Variants in KISS1R observed in about 807,000 individuals in gnomAD.
The protein encoded by KISS1R is KISS1 receptor, also known as kiSS-1 receptor.
In KISS1R, 19 loss-of-function variants were observed where a neutral mutation model predicts 22.0. That is an observed-to-expected ratio of 0.86 (90% confidence interval 0.60 to 1.26). KISS1R has a LOEUF of 1.26. KISS1R is among the 50% of genes most tolerant of loss of function. The probability of loss-of-function intolerance (pLI) is 0.00; values close to 1 mark genes in which losing one functional copy is unlikely to be tolerated. For synonymous variants in KISS1R, 302 were observed against 283.9 expected (o/e 1.06, Z -0.64); for missense variants, 653 against 581.9 (o/e 1.12, Z -1.26).
chr19:919,826 G>A, intron 3 of KISS1R, 48 bp from the exon 4 acceptor site: 1 of 1,522,542 alleles, frequency 6.6e-7, no homozygotes, highest in Middle Eastern at 1.7e-4. Flanking sequence ...GGCACGTGGG[G>A]GACCGCTGGT....
Position 920,288 on chromosome 19 carries a change from A to G in KISS1R, c.739-2A>G, listed in dbSNP as rs1182710668. 8 of 1,569,498 alleles carry G rather than the reference A, an allele frequency of 5.1e-6. No homozygotes were observed. The African/African-American group carries it at 6.8e-5, about 13-fold the overall frequency. ...CTAACCACCTTCACGGCACCCCCCC[A>G]GGGGCAGGTGCTGGCAGAGCGCGCA... is the stretch of plus-strand genomic sequence containing the variant. On this transcript the variant is annotated splice_acceptor_variant, in intron 4 of 4. Transcript: ENST00000234371. LOFTEE classifies it high-confidence loss of function.
chr19:920,037 C>T lies in KISS1R; in HGVS notation c.669C>T (p.Cys223=), dbSNP rs1465618561. The T allele has an allele frequency of 5.2e-6, 8 of 1,538,728 alleles. No individual in the cohort carries two copies. Among genetic ancestry groups the T allele is most frequent in the Non-Finnish European group, 7.0e-6 (8 of 1,146,126 alleles). Residue 223 remains cysteine, a synonymous_variant, in exon 4 of 5, where the codon TGC becomes TGT. Transcript: ENST00000234371. The stretch of plus-strand genomic sequence containing the variant: ...TGCCGCTGCTCGCCACCTGCGCCTG[C>T]TATGCGGCCATGCTGCGCCACCTGG... The part of the protein sequence containing the change: ...YLLPLLATCA[C]YAAMLRHLGR...
intron 1 of KISS1R, 55 bp downstream of exon 1, chr19:917,801 A>G: frequency 6.5e-7 from 1 of 1,545,992 alleles, no homozygotes; most frequent in Non-Finnish European, 8.7e-7. Flanking sequence ...CCGAGGGCCG[A>G]GCGGCCTGGG....
At chr19:917,816 C>T in intron 1 of KISS1R, 70 bp downstream of exon 1, 1 of 1,502,558 alleles carries the variant, frequency 6.7e-7, no homozygotes, top group Non-Finnish European at 8.9e-7. Flanking sequence ...CCTGGGGCGC[C>T]CTCTCGCGAC....
chr19:920,927 C>G lies in KISS1R; in HGVS notation c.*179C>G, dbSNP rs183964128. 31 of 629,662 alleles carry G rather than the reference C, an allele frequency of 4.9e-5. No homozygotes were observed. The African/African-American group carries it at 5.5e-4, about 11-fold the overall frequency. 39.0% of individuals were successfully genotyped at this position (629,662 alleles called of 1,614,324 possible). On this transcript the variant is annotated 3_prime_UTR_variant, in exon 5 of 5. Coordinates refer to ENST00000234371, the MANE Select transcript of KISS1R (RefSeq NM_032551.5). Reference sequence around the variant, plus strand: ...TTTGCTATTGATATTGAAATTATGACTTCTGTGTTTCCTGAAATTAAACAT... The same window carrying G: ...TTTGCTATTGATATTGAAATTATGAGTTCTGTGTTTCCTGAAATTAAACAT...
chr19:920,233 G>C (rs1258198125), intron 4 of KISS1R, 57 bp from the exon 5 acceptor site: 4 of 1,536,518 alleles, frequency 2.6e-6, no homozygotes, highest in South Asian at 1.2e-5. Flanking sequence ...GGTGCGAGGG[G>C]ATGAGCTGAG....
At chr19:917,938 G>C (rs1301199999) in intron 1 of KISS1R, among the ~76,000 whole-genome samples, 192 bp downstream of exon 1, 1 of 152,150 alleles carries the variant, frequency 6.6e-6, no homozygotes, top group Non-Finnish European at 1.5e-5. Context: ...ACTCCAGCGC[G>C]GGCGGGCCCG....
At chr19:919,708 C>T in intron 3 of KISS1R, 83 bp downstream of exon 3, 1 of 1,527,776 alleles carries the variant, frequency 6.5e-7, no homozygotes, top group Non-Finnish European at 8.8e-7. Flanking sequence ...CCGCCTCGGT[C>T]CAGCATCTGG....
At chr19:918,459 G>A in intron 1 of KISS1R, 85 bp from the exon 2 acceptor site, 6 of 1,475,864 alleles carry the variant, frequency 4.1e-6, no homozygotes, top group Non-Finnish European at 5.4e-6. Flanking sequence ...GACCAAGGTG[G>A]GGGCCAGGGG....
Position 917,393 on chromosome 19 carries a change from C to A in KISS1R, c.-110C>A, listed in dbSNP as rs1253441344. ...GACCCTGCGGACCCCAGCCGAGCCC[C>A]TTCCTGAGTTCCACAGGCGCAGCCC... On this transcript the variant is annotated 5_prime_UTR_variant, in exon 1 of 5. Coordinates refer to ENST00000234371, the MANE Select transcript of KISS1R (RefSeq NM_032551.5). 7.8e-6 allele frequency: 10 copies of A among 1,280,378 alleles called. No homozygotes were observed. The highest frequency in any genetic ancestry group is 9.1e-6 in the Non-Finnish European group (9 of 990,946). 79.3% of individuals were successfully genotyped at this position (1,280,378 alleles called of 1,614,324 possible). A position where few individuals can be genotyped will look rare whatever the true frequency, so the allele number is the denominator to read the frequency against.
At chr19:919,380 C>G (rs2145319608) in intron 2 of KISS1R, 110 bp from the exon 3 acceptor site, 1 of 1,449,842 alleles carries the variant, frequency 6.9e-7, no homozygotes, top group Admixed American at 2.0e-5. Flanking sequence ...AGGACACTTC[C>G]CGTGTATGTG....
chr19:919,827 G>T (rs1464831812), intron 3 of KISS1R, 47 bp from the exon 4 acceptor site: 3 of 1,518,348 alleles, frequency 2.0e-6, no homozygotes, highest in Non-Finnish European at 8.8e-7. Context: ...GCACGTGGGG[G>T]ACCGCTGGTT....
intron 2 of KISS1R, among the ~76,000 whole-genome samples, chr19:918,984 C>A (rs1055743985): frequency 1.2e-4 from 1 of 8,684 alleles, no homozygotes; most frequent in Non-Finnish European, 2.0e-4. Context: ...AGCTCCGGAG[C>A]GGGGGGCGGG....
chr19:919,767 C>A, intron 3 of KISS1R, 107 bp from the exon 4 acceptor site: 1 of 1,483,576 alleles, frequency 6.7e-7, no homozygotes, highest in Non-Finnish European at 9.1e-7. Flanking sequence ...AGGCTGCAGA[C>A]GGGGCGCCCG....
chr19:918,417 G>T lies in KISS1R; in HGVS notation c.245-127G>T, dbSNP rs1313781647. The T allele has an allele frequency of 5.7e-5, 63 of 1,099,660 alleles. 1 individual carries two copies. The East Asian group carries it at 1.7e-3, about 29-fold the overall frequency. The allele number at this position is 1,099,660 out of a possible 1,614,324, so 68.1% of individuals were successfully genotyped here. A position where few individuals can be genotyped will look rare whatever the true frequency, so the allele number is the denominator to read the frequency against. ...AGGCCAGGGGCGCTGGGGGAGGGGG[G>T]GGCCTCCCTGAGCCATCCTGCTGGT... is the stretch of plus-strand genomic sequence containing the variant. On this transcript the variant is annotated intron_variant, in intron 1 of 4. Transcript: ENST00000234371.
chr19:918,746 C>T (rs2037083533), intron 2 of KISS1R, 78 bp downstream of exon 2: 2 of 1,336,398 alleles, frequency 1.5e-6, no homozygotes, highest in South Asian at 2.6e-5. Context: ...GGGGAGGGGA[C>T]GCACTTGGGG....
At position 920,597 on chromosome 19, in the gene KISS1R, G is replaced by T. The variant is rs1008480594; in HGVS notation, c.1046G>T (p.Arg349Leu). ...GCGCCGCGCCGCCCCCGCCGCCCCC[G>T]CCGGCCCGGACCCTCGGACCCCGCA... is the stretch of plus-strand genomic sequence containing the variant. ...PCAPRRPRRPRRPGPSDPAAP... is the reference protein window; with the variant it reads ...PCAPRRPRRPLRPGPSDPAAP... The change falls in exon 5 of 5, where the codon CGC becomes CTC. Residue 349 changes from arginine to leucine, a missense_variant. Coordinates refer to ENST00000234371, the MANE Select transcript of KISS1R (RefSeq NM_032551.5). The T allele has an allele frequency of 7.6e-6, 11 of 1,454,434 alleles. No homozygotes were observed. The highest frequency in any genetic ancestry group is 9.0e-6 in the Non-Finnish European group (10 of 1,109,136). The allele number at this position is 1,454,434 out of a possible 1,614,324, so 90.1% of individuals were successfully genotyped here.
chr19:920,429 C>T lies in KISS1R; in HGVS notation c.878C>T (p.Ser293Phe). Residue 293 changes from serine (S) to phenylalanine (F), a missense_variant, in exon 5 of 5, where the codon TCC becomes TTC. Coordinates refer to ENST00000234371, the MANE Select transcript of KISS1R (RefSeq NM_032551.5). ...LVLQALGPAG[S>F]WHPRSYAAYA... Reference sequence around the variant, plus strand: ...CTGCAGGCGCTGGGCCCCGCGGGCTCCTGGCACCCACGCAGCTACGCCGCC... The same window carrying T: ...CTGCAGGCGCTGGGCCCCGCGGGCTTCTGGCACCCACGCAGCTACGCCGCC... The T allele has an allele frequency of 6.2e-7, 1 of 1,609,418 alleles. No individual in the cohort carries two copies. Among genetic ancestry groups the T allele is most frequent in the Non-Finnish European group, 8.5e-7 (1 of 1,178,972 alleles).
Position 917,757 on chromosome 19 carries a change from G to A in KISS1R, c.244+11G>A, listed in dbSNP as rs760659121. On this transcript the variant is annotated intron_variant, in intron 1 of 4. Transcript: ENST00000234371. ...CCAACTTCTACATCGGTGAGTGCGG[G>A]CGCTGCGCCGCACCTGCTGCCGTCC... The A allele has an allele frequency of 5.7e-5, 90 of 1,592,704 alleles. No individual in the cohort carries two copies. Among genetic ancestry groups the A allele is most frequent in the Middle Eastern group, 1.7e-4 (1 of 5,792 alleles).
Sources: allele counts gnomAD v4.1 joint callset (sites outside exome capture counted in the v4.1 genomes callset), GRCh38; gene constraint gnomAD v4.1.1; transcripts MANE v1.5; gene names NCBI Gene and HGNC (gene_info 2026-07-23, HGNC 2026-07-21).